CHL1: variants seen among roughly 807,000 people sequenced by gnomAD.
CHL1 encodes the protein neural cell adhesion molecule L1-like protein.
A neutral mutation model predicts 141.9 loss-of-function variants in CHL1; 96 were observed. The observed-to-expected ratio is 0.68, with a 90% CI of 0.57 to 0.80. The LOEUF is 0.80. Among genes scored for constraint, CHL1 ranks in the 30% least tolerant of loss-of-function variants. The probability of loss-of-function intolerance (pLI) is 0.00; values close to 1 mark genes in which losing one functional copy is unlikely to be tolerated. For missense variants in CHL1, 1,820 were observed against 1,457.2 expected (o/e 1.25, Z -4.05); for synonymous variants, 613 against 502.2 (o/e 1.22, Z -2.95).
chr3:334,732 C>T (rs1249397465), intron 5 of CHL1, among the ~76,000 whole-genome samples: 1 of 152,146 alleles, frequency 6.6e-6, no homozygotes, highest in Admixed American at 6.5e-5. Context: ...AGTGATACTG[C>T]AAATTCTCTG....
intron 5 of CHL1, among the ~76,000 whole-genome samples, chr3:331,623 T>C (rs976071525): frequency 6.6e-6 from 1 of 152,108 alleles, no homozygotes; most frequent in Non-Finnish European, 1.5e-5. Flanking sequence ...TTTTAGATCC[T>C]TTTTTTATTG....
chr3:226,499 T>A (rs1423299303), intron 1 of CHL1, among the ~76,000 whole-genome samples: 1 of 151,262 alleles, frequency 6.6e-6, no homozygotes, highest in Non-Finnish European at 1.5e-5. Flanking sequence ...TGGGGTGCAA[T>A]GGCGTGATCT....
At chr3:253,248 A>G (rs1401273528) in intron 2 of CHL1, among the ~76,000 whole-genome samples, 2 of 152,140 alleles carry the variant, frequency 1.3e-5, no homozygotes, top group African/African-American at 2.4e-5. Flanking sequence ...GCTGTGATGT[A>G]TCTCGTTATG....
At chr3:395,639 G>A (rs1159752310) in intron 24 of CHL1, among the ~76,000 whole-genome samples, 1 of 152,232 alleles carries the variant, frequency 6.6e-6, no homozygotes, top group Non-Finnish European at 1.5e-5. Context: ...AGAAAGAAAA[G>A]AAGGATGTAG....
At chr3:304,557 G>C (rs1699058908) in intron 2 of CHL1, among the ~76,000 whole-genome samples, 1 of 152,142 alleles carries the variant, frequency 6.6e-6, no homozygotes, top group African/African-American at 2.4e-5. Context: ...TCTGATGGTA[G>C]TTTGTATTTC....
At chr3:348,262 C>A (rs1280362006) in intron 9 of CHL1, among the ~76,000 whole-genome samples, 4 of 152,148 alleles carry the variant, frequency 2.6e-5, no homozygotes, top group African/African-American at 9.7e-5. Context: ...ATTGGAGCTT[C>A]AGACTCCTTA....
At chr3:369,296 C>G (rs919874793) in intron 15 of CHL1, among the ~76,000 whole-genome samples, 1 of 151,030 alleles carries the variant, frequency 6.6e-6, no homozygotes, top group Non-Finnish European at 1.5e-5. Flanking sequence ...TTGTAGTTCT[C>G]CTTGAAGAGG....
At chr3:321,060 A>G (rs1314733448) in intron 3 of CHL1, among the ~76,000 whole-genome samples, 1 of 152,100 alleles carries the variant, frequency 6.6e-6, no homozygotes, top group African/African-American at 2.4e-5. Context: ...AAGTGCTCAG[A>G]CAGACTGAAT....
rs1213176271 is a variant in CHL1 at position 405,691 on chromosome 3, A to G, written c.3655A>G (p.Thr1219Ala). 6 of 1,613,060 alleles carry G rather than the reference A, an allele frequency of 3.7e-6. No homozygotes were observed. The highest frequency in any genetic ancestry group is 5.1e-6 in the Non-Finnish European group (6 of 1,179,356). Residue 1219 changes from threonine to alanine, a missense_variant, in exon 28 of 28, where the codon ACT (threonine) becomes GCT (alanine). By Grantham distance (58) the Thr-to-Ala change is moderately conservative. Coordinates refer to ENST00000256509, the MANE Select transcript of CHL1 (RefSeq NM_006614.4). ...SVESNGSSTA[T>A]FPLRA Reference sequence around the variant, plus strand: ...TGAAAGCAATGGAAGTTCTACAGCAACTTTTCCCCTTCGGGCATAAACACA... The same window carrying G: ...TGAAAGCAATGGAAGTTCTACAGCAGCTTTTCCCCTTCGGGCATAAACACA...
At chr3:310,583 C>CATTTTTT (rs1225752859) in intron 2 of CHL1, among the ~76,000 whole-genome samples, 1 of 152,114 alleles carries the variant, frequency 6.6e-6, no homozygotes, top group Non-Finnish European at 1.5e-5. Context: ...AGGAAGATTT[C>CATTTTTT]ATTTTTTAGT....
intron 15 of CHL1, among the ~76,000 whole-genome samples, chr3:366,706 G>A (rs1269197672): frequency 2.0e-5 from 3 of 151,024 alleles, no homozygotes; most frequent in African/African-American, 4.9e-5. Flanking sequence ...AAAAAAACTG[G>A]AGGAGCTAGG....
At chr3:208,785 T>TA (rs1412551894) in intron 1 of CHL1, among the ~76,000 whole-genome samples, 8 of 152,130 alleles carry the variant, frequency 5.3e-5, no homozygotes, top group African/African-American at 1.9e-4. Flanking sequence ...CCAAAAGTAT[T>TA]AAAAAATAAA....
chr3:220,388 G>C (rs928763881), intron 1 of CHL1, among the ~76,000 whole-genome samples: 1 of 152,158 alleles, frequency 6.6e-6, no homozygotes, highest in Non-Finnish European at 1.5e-5. Flanking sequence ...AGGATCTCTT[G>C]AGCCTGGAAA....
intron 2 of CHL1, among the ~76,000 whole-genome samples, chr3:256,554 C>G (rs915335330): frequency 6.6e-6 from 1 of 152,208 alleles, no homozygotes; most frequent in African/African-American, 2.4e-5. Flanking sequence ...GAGGGAGAGA[C>G]TTGCACCTGG....
chr3:238,412 T>C (rs1024735277), intron 1 of CHL1, among the ~76,000 whole-genome samples: 2 of 121,386 alleles, frequency 1.6e-5, no homozygotes, highest in Non-Finnish European at 3.9e-5. Flanking sequence ...ATACATTTTT[T>C]AAAGGAAAAA....
At chr3:312,932 A>G (rs572749139) in intron 2 of CHL1, among the ~76,000 whole-genome samples, 1 of 152,350 alleles carries the variant, frequency 6.6e-6, no homozygotes, top group African/African-American at 2.4e-5. Flanking sequence ...TTGTTGATCT[A>G]TTTCAAGCAT....
At chr3:398,721 C>A (rs1708877510) in intron 25 of CHL1, among the ~76,000 whole-genome samples, 1 of 152,186 alleles carries the variant, frequency 6.6e-6, no homozygotes. Flanking sequence ...GCAGCTTGCG[C>A]TTTTGTTTGC....
intron 19 of CHL1, among the ~76,000 whole-genome samples, chr3:385,047 ATAT>A (rs1707511481): frequency 6.6e-6 from 1 of 152,154 alleles, no homozygotes; most frequent in Non-Finnish European, 1.5e-5. Flanking sequence ...ATATTCAATA[ATAT>A]TATTTCTTTC....
At position 408,427 on chromosome 3, in the gene CHL1, G is replaced by A. The variant is rs1038680380; in HGVS notation, c.*2716G>A. 1.3e-5 allele frequency: 2 copies of A among 152,076 alleles called. No individual in the cohort carries two copies. Among genetic ancestry groups the A allele is most frequent in the Non-Finnish European group, 2.9e-5 (2 of 67,996 alleles). The allele number at this position is 152,076 out of a possible 1,614,324, so 9.4% of individuals were successfully genotyped here. On this transcript the variant is annotated 3_prime_UTR_variant, in exon 28 of 28. Transcript: ENST00000256509. Reference sequence around the variant, plus strand: ...GATTTTGTACATAAACATTAGGCAGGTTGCTTAACCTTTTTATTTCAAACT... The same window carrying A: ...GATTTTGTACATAAACATTAGGCAGATTGCTTAACCTTTTTATTTCAAACT...
Sources: allele counts gnomAD v4.1 joint callset (sites outside exome capture counted in the v4.1 genomes callset), GRCh38; gene constraint gnomAD v4.1.1; transcripts MANE v1.5; gene names NCBI Gene and HGNC (gene_info 2026-07-23, HGNC 2026-07-21).